Variants in DPP6 observed in about 807,000 individuals in gnomAD.
DPP6 encodes the protein dipeptidyl peptidase like 6.
DPP6 carries 69 observed loss-of-function variants against 122.6 expected under a neutral mutation model. That is an observed-to-expected ratio of 0.56 (90% CI 0.46 to 0.69). DPP6 has a LOEUF of 0.69. Ranked by LOEUF, DPP6 falls within the 30% of genes least tolerant of loss-of-function variation. DPP6 has a pLI of 0.00. For missense variants in DPP6, 928 were observed against 1,116.9 expected (o/e 0.83, Z 2.41); for synonymous variants, 418 against 433.1 (o/e 0.97, Z 0.43).
intron 1 of DPP6, among the ~76,000 whole-genome samples, chr7:153,922,831 G>A (rs140492190): frequency 2.1e-4 from 32 of 152,290 alleles, no homozygotes; most frequent in African/African-American, 6.0e-4. Flanking sequence ...AGGCCTTAGC[G>A]AGCCCCCAGC....
chr7:154,425,626 GTGTGTGTGTGTGTGT>G (rs1817845709), intron 1 of DPP6, among the ~76,000 whole-genome samples: 1 of 141,442 alleles, frequency 7.1e-6, no homozygotes, highest in African/African-American at 2.5e-5. Flanking sequence ...GTGTGGGTGT[GTGTGTGTGTGTGTGT>G]GTGTGTGTGT....
At chr7:153,928,396 A>ATGTTTTTTTTTTTT (rs1275067491) in intron 1 of DPP6, among the ~76,000 whole-genome samples, 1 of 43,672 alleles carries the variant, frequency 2.3e-5, no homozygotes, top group African/African-American at 7.9e-5. Context: ...CTTTTCTTTC[A>ATGTTTTTTTTTTTT]TTTTTTTTTT....
At chr7:154,433,120 T>C (rs2151260346) in intron 1 of DPP6, among the ~76,000 whole-genome samples, 1 of 148,280 alleles carries the variant, frequency 6.7e-6, no homozygotes, top group Non-Finnish European at 1.5e-5. Flanking sequence ...GTAATGGCTC[T>C]CATACTAGAC....
chr7:154,845,747 T>A (rs995524865), intron 16 of DPP6, among the ~76,000 whole-genome samples: 15 of 152,264 alleles, frequency 9.9e-5, no homozygotes, highest in Non-Finnish European at 1.6e-4. Flanking sequence ...AAAACTTTTT[T>A]AAGATACAAC....
chr7:154,142,444 A>C (rs1411821110), intron 1 of DPP6, among the ~76,000 whole-genome samples: 3 of 152,248 alleles, frequency 2.0e-5, no homozygotes, highest in African/African-American at 7.2e-5. Flanking sequence ...AAATATGTGC[A>C]GAAGTGGAAT....
At chr7:154,305,335 T>TC in intron 1 of DPP6, 1 of 1,024,756 alleles carries the variant, frequency 9.8e-7, no homozygotes, top group Non-Finnish European at 1.2e-6. Flanking sequence ...TCGTCTTGTC[T>TC]ACCCACCCTC....
Position 154,868,085 on chromosome 7 carries a change from A to G in DPP6, c.1805A>G (p.Asp602Gly), listed in dbSNP as rs1804046077. 3.1e-6 allele frequency: 5 copies of G among 1,604,536 alleles called. No homozygotes were observed. The highest frequency in any genetic ancestry group is 2.7e-5 in the African/African-American group (2 of 74,814). ...PKVEYRDIEIDDYNLPMQILK... is the reference protein window; with the variant it reads ...PKVEYRDIEIGDYNLPMQILK... ...GTGGAATACAGGGACATTGAGATTG[A>G]TGATTACAGTAAGTACTACGTTTTT... The change falls in exon 18 of 26, where the codon GAT (aspartate) becomes GGT (glycine). Residue 602 changes from aspartate to glycine, a missense_variant. Physicochemically the swap from Asp to Gly is moderately conservative, Grantham distance 94 (BLOSUM62 -1). Transcript: ENST00000377770.
chr7:153,833,102 AGGCCT>A, the DPP6 span, among the ~76,000 whole-genome samples: 1 of 152,332 alleles, frequency 6.6e-6, no homozygotes, highest in East Asian at 1.9e-4. Context: ...TCTCTGGTTG[AGGCCT>A]GGCAGTTTTC....
intron 1 of DPP6, among the ~76,000 whole-genome samples, chr7:153,895,420 G>A (rs1457128475): frequency 2.0e-5 from 3 of 152,174 alleles, no homozygotes; most frequent in African/African-American, 7.2e-5. Flanking sequence ...CCCTCTCCCA[G>A]TTAAGGGTAG....
At chr7:154,296,861 A>C (rs1805573159) in intron 1 of DPP6, among the ~76,000 whole-genome samples, 1 of 152,144 alleles carries the variant, frequency 6.6e-6, no homozygotes, top group Non-Finnish European at 1.5e-5. Context: ...TGTTTGATGA[A>C]ACTTGCTGTG....
In DPP6 at chr7:154,052,602, G is replaced by T. The variant is rs1220461916; in HGVS notation, c.-219G>T. 9 of 1,232,022 alleles carry T rather than the reference G, an allele frequency of 7.3e-6. No individual in the cohort carries two copies. The East Asian group carries it at 1.6e-4, about 23-fold the overall frequency. The allele number at this position is 1,232,022 out of a possible 1,614,324, so 76.3% of individuals were successfully genotyped here. On this transcript the variant is annotated 5_prime_UTR_variant, in exon 1 of 26. Transcript: ENST00000377770. The surrounding 1 kb of genome is among the most constrained non-coding windows in gnomAD (Gnocchi z 4.8). Reference sequence around the variant, plus strand: ...GGCTTCGCGAGCCGCCGGGGAGGGGGCGGAGGAGGCTGAGCCAGGCAGAGT... The same window carrying T: ...GGCTTCGCGAGCCGCCGGGGAGGGGTCGGAGGAGGCTGAGCCAGGCAGAGT...
At chr7:153,852,408 G>C in the DPP6 span, among the ~76,000 whole-genome samples, 11 of 152,058 alleles carry the variant, frequency 7.2e-5, no homozygotes, top group Non-Finnish European at 1.5e-4. Context: ...ATCTCATATG[G>C]CCGGAGCAGG....
At chr7:154,408,938 C>T (rs1014582435) in intron 1 of DPP6, among the ~76,000 whole-genome samples, 2 of 152,032 alleles carry the variant, frequency 1.3e-5, no homozygotes, top group East Asian at 3.9e-4. Flanking sequence ...GTCAGGAGTT[C>T]AAGACCAGCC....
intron 1 of DPP6, among the ~76,000 whole-genome samples, chr7:153,967,309 A>G (rs545728013): frequency 6.6e-6 from 1 of 152,214 alleles, no homozygotes; most frequent in African/African-American, 2.4e-5. Context: ...GCTCAGCACG[A>G]TATGTGACTT....
At chr7:154,752,271 G>A (rs1223068245) in intron 8 of DPP6, among the ~76,000 whole-genome samples, 1 of 152,164 alleles carries the variant, frequency 6.6e-6, no homozygotes, top group African/African-American at 2.4e-5. Context: ...AAGTGATAAT[G>A]TTACCAGTAC....
chr7:154,072,552 G>A lies in DPP6; in HGVS notation c.243+19489G>A, dbSNP rs1354599691. 7.9e-5 allele frequency among the ~76,000 whole-genome samples: 12 copies of A among 152,392 alleles called. No individual in the cohort carries two copies. In the East Asian group the frequency reaches 2.3e-3, roughly 29 times the overall value. On this transcript the variant is annotated intron_variant, in intron 1 of 25. Coordinates refer to ENST00000377770, the MANE Select transcript of DPP6 (RefSeq NM_130797.4). ...GCTTACATCACAGAGTTGGCTCACT[G>A]TTTCCAGTATCATTCTTCCAGCCCA... is the stretch of plus-strand genomic sequence containing the variant.
intron 1 of DPP6, among the ~76,000 whole-genome samples, chr7:154,421,736 C>T (rs903626039): frequency 5.9e-5 from 9 of 152,146 alleles, no homozygotes; most frequent in African/African-American, 2.4e-5. Flanking sequence ...ATAATAGATC[C>T]AAATGACACC....
At chr7:153,940,487 T>C (rs1004338087) in intron 1 of DPP6, among the ~76,000 whole-genome samples, 15 of 152,154 alleles carry the variant, frequency 9.9e-5, no homozygotes, top group Admixed American at 9.2e-4. Context: ...GAGGTTGTAC[T>C]AGGTGGGCCC....
chr7:154,510,003 A>G (rs1825940511), intron 3 of DPP6, among the ~76,000 whole-genome samples: 1 of 152,236 alleles, frequency 6.6e-6, no homozygotes, highest in Admixed American at 6.5e-5. Context: ...AGAATATTCT[A>G]AAATTAATTA....
Sources: allele counts gnomAD v4.1 joint callset (sites outside exome capture counted in the v4.1 genomes callset), GRCh38; gene constraint gnomAD v4.1.1; non-coding constraint Gnocchi (gnomAD v3.1); transcripts MANE v1.5; gene names NCBI Gene and HGNC (gene_info 2026-07-23, HGNC 2026-07-21).